The following HEBP2 variants were observed in gnomAD, a reference collection of about 807,000 sequenced individuals.
HEBP2 encodes heme binding protein 2.
Under a neutral mutation model 23.1 loss-of-function variants are expected in HEBP2, and 27 were observed. The ratio of observed to expected loss-of-function variants is 1.17; its 90% CI spans 0.86 to 1.61. HEBP2 has a LOEUF of 1.61. Among genes scored for constraint, HEBP2 ranks in the 40% most tolerant of loss-of-function variants. The pLI is 0.00. For missense variants in HEBP2, 245 were observed against 253.8 expected (o/e 0.97, Z 0.24); for synonymous variants, 99 against 95.1 (o/e 1.04, Z -0.24).
In HEBP2 at chr6:138,405,991, G is replaced by C. The variant is rs746207371; in HGVS notation, c.259G>C (p.Ala87Pro). The change falls in exon 3 of 4, where the codon GCT (alanine) becomes CCT (proline). Residue 87 changes from alanine (A) to proline (P), a missense_variant. By Grantham distance (27) the Ala-to-Pro change is conservative (BLOSUM62 -1). Transcript: ENST00000607197. ...NEKEMKIKMT[A>P]PVTSYVEPGS... ...CACAGAGATGAAAATAAAGATGACAGCTCCAGTGACAAGCTACGTGGAGCC... is the reference window on the plus strand; with the variant it reads ...CACAGAGATGAAAATAAAGATGACACCTCCAGTGACAAGCTACGTGGAGCC... 4.3e-6 allele frequency: 7 copies of C among 1,612,590 alleles called. No individual in the cohort carries two copies. In the Admixed American group the frequency reaches 1.0e-4, roughly 23 times the overall value.
Position 138,404,546 on chromosome 6 carries a change from C to T in HEBP2, c.51C>T (p.Ala17=). The stretch of plus-strand genomic sequence containing the variant: ...CCGGGGCGGCCGAGGACGCGGCGGC[C>T]CAAGCTGTGGAGACGCCGGGCTGGA... The part of the protein sequence containing the change: ...PDPGAAEDAA[A]QAVETPGWKA... The change falls in exon 1 of 4, where the codon GCC becomes GCT. Residue 17 remains alanine (A), a synonymous_variant. Transcript: ENST00000607197. 1 of 1,304,954 alleles carries T rather than the reference C, an allele frequency of 7.7e-7. No individual in the cohort carries two copies. The highest frequency in any genetic ancestry group is 9.7e-7 in the Non-Finnish European group (1 of 1,026,404). The allele number at this position is 1,304,954 out of a possible 1,614,324, so 80.8% of individuals were successfully genotyped here.
At position 138,421,181 on chromosome 6, in the gene HEBP2, A is replaced by G. The variant is rs1774922827; in HGVS notation, c.*8103A>G. 6.6e-6 allele frequency: 1 copy of G among 152,264 alleles called. No individual in the cohort carries two copies. Among genetic ancestry groups the G allele is most frequent in the African/African-American group, 2.4e-5 (1 of 41,544 alleles). 9.4% of individuals were successfully genotyped at this position (152,264 alleles called of 1,614,324 possible). On this transcript the variant is annotated 3_prime_UTR_variant, in exon 4 of 4. Transcript: ENST00000607197. ...CCCAACAACATCCTCACATCTGCCA[A>G]AGCAAATTATGCTGCTGTGCTCATT...
intron 3 of HEBP2, among the ~76,000 whole-genome samples, chr6:138,409,609 C>T (rs1457492357): frequency 1.3e-5 from 2 of 152,202 alleles, no homozygotes; most frequent in African/African-American, 4.8e-5. Context: ...GCCGTCTTCC[C>T]TGCCACCAGT....
Position 138,404,298 on chromosome 6 carries a change from C to T in HEBP2, c.-198C>T, listed in dbSNP as rs1405260531. Reference sequence around the variant, plus strand: ...TGTCCGGGGTCGTGAGCCGGCCCCGCCTTGGTGGCGGCGCCCCCTCGCGGT... The same window carrying T: ...TGTCCGGGGTCGTGAGCCGGCCCCGTCTTGGTGGCGGCGCCCCCTCGCGGT... On this transcript the variant is annotated 5_prime_UTR_variant, in exon 1 of 4. Transcript: ENST00000607197. 1 of 341,092 alleles carries T rather than the reference C, an allele frequency of 2.9e-6. No individual in the cohort carries two copies. The highest frequency in any genetic ancestry group is 5.2e-6 in the Non-Finnish European group (1 of 190,778). The allele number at this position is 341,092 out of a possible 1,614,324, so 21.1% of individuals were successfully genotyped here.
At position 138,421,250 on chromosome 6, in the gene HEBP2, G is replaced by A. The variant is rs1206684047; in HGVS notation, c.*8172G>A. On this transcript the variant is annotated 3_prime_UTR_variant, in exon 4 of 4. Transcript: ENST00000607197. ...CGCATGCAGGCTGAACCCCTACTAC[G>A]GCAGAACCAAGAAAGCCACTCTTTC... The A allele has an allele frequency of 1.3e-5, 2 of 150,778 alleles. No homozygotes were observed. The highest frequency in any genetic ancestry group is 6.6e-5 in the Admixed American group (1 of 15,174). 9.3% of individuals were successfully genotyped at this position (150,778 alleles called of 1,614,324 possible).
In HEBP2 at chr6:138,413,166, G is replaced by C; in HGVS notation, c.*88G>C. On this transcript the variant is annotated 3_prime_UTR_variant, in exon 4 of 4. Transcript: ENST00000607197. ...GACCTATAAGTAAAGTGCGTGTCTA[G>C]TGTCTTCTATTGAGAGTACTACTAT... is the stretch of plus-strand genomic sequence containing the variant. The C allele has an allele frequency of 1.0e-6, 1 of 995,532 alleles. No homozygotes were observed. The highest frequency in any genetic ancestry group is 2.7e-4 in the Middle Eastern group (1 of 3,658). 61.7% of individuals were successfully genotyped at this position (995,532 alleles called of 1,614,324 possible).
Position 138,406,042 on chromosome 6 carries a change from A to G in HEBP2, c.310A>G (p.Thr104Ala), listed in dbSNP as rs200320516. The G allele has an allele frequency of 2.8e-5, 46 of 1,614,150 alleles. No homozygotes were observed. The Middle Eastern group carries it at 6.6e-4, about 23-fold the overall frequency. ...EPGSGPFSES[T>A]ITISLYIPSE... ...TGGTTCAGGTCCTTTTAGTGAGTCTACCATTACCATTTCCCTGTATATTCC... is the reference window on the plus strand; with the variant it reads ...TGGTTCAGGTCCTTTTAGTGAGTCTGCCATTACCATTTCCCTGTATATTCC... The change falls in exon 3 of 4, where the codon ACC (threonine) becomes GCC (alanine). Residue 104 changes from threonine to alanine, a missense_variant. Thr to Ala is a moderately conservative substitution (Grantham distance 58, BLOSUM62 0). Transcript: ENST00000607197.
chr6:138,404,277 CG>C lies in HEBP2; in HGVS notation c.-215del. 1 of 329,242 alleles carries C rather than the reference CG, an allele frequency of 3.0e-6. No individual in the cohort carries two copies. 20.4% of individuals were successfully genotyped at this position (329,242 alleles called of 1,614,324 possible). ...ACGCGCAACTCCGGCCGGAGCTGTC[CG>C]GGGTCGTGAGCCGGCCCCGCCTTGG... On this transcript the variant is annotated 5_prime_UTR_variant, in exon 1 of 4. Transcript: ENST00000607197.
At position 138,404,487 on chromosome 6, in the gene HEBP2, GC is replaced by G. The variant is rs1774598686; in HGVS notation, c.-8del. 1 of 1,274,388 alleles carries G rather than the reference GC, an allele frequency of 7.8e-7. No homozygotes were observed. Among genetic ancestry groups the G allele is most frequent in the African/African-American group, 1.6e-5 (1 of 64,480 alleles). 78.9% of individuals were successfully genotyped at this position (1,274,388 alleles called of 1,614,324 possible). On this transcript the variant is annotated 5_prime_UTR_variant, in exon 1 of 4. Coordinates refer to ENST00000607197, the MANE Select transcript of HEBP2 (RefSeq NM_014320.3). The stretch of plus-strand genomic sequence containing the variant: ...GGCTGACCAGGCTCCCAGAGCGTCA[GC>G]GCCGCCCATGGCCGAGCCGCTCCAG...
At position 138,413,027 on chromosome 6, in the gene HEBP2, T is replaced by C; in HGVS notation, c.567T>C (p.Asn189=). ...YNSPVKLLNR[N]NEVWLIQKNE... ...GTCCTGTCAAATTGCTTAATAGAAATAATGAAGTGTGGTTGATTCAAAAAA... is the reference window on the plus strand; with the variant it reads ...GTCCTGTCAAATTGCTTAATAGAAACAATGAAGTGTGGTTGATTCAAAAAA... Residue 189 remains asparagine, a synonymous_variant, in exon 4 of 4, where the codon AAT becomes AAC. Transcript: ENST00000607197. The C allele has an allele frequency of 6.2e-7, 1 of 1,613,894 alleles. No homozygotes were observed. The highest frequency in any genetic ancestry group is 8.5e-7 in the Non-Finnish European group (1 of 1,179,954).
intron 3 of HEBP2, 54 bp from the exon 4 acceptor site, chr6:138,412,826 G>T: frequency 1.3e-6 from 2 of 1,484,358 alleles, no homozygotes; most frequent in South Asian, 2.3e-5. Flanking sequence ...GCTTCAGACT[G>T]ACATTCACAT....
chr6:138,412,980 T>C lies in HEBP2; in HGVS notation c.520T>C (p.Tyr174His). The C allele has an allele frequency of 6.2e-7, 1 of 1,614,096 alleles. No individual in the cohort carries two copies. The highest frequency in any genetic ancestry group is 8.5e-7 in the Non-Finnish European group (1 of 1,179,938). The change falls in exon 4 of 4, where the codon TAC (tyrosine) becomes CAC (histidine). Residue 174 changes from tyrosine (Y) to histidine (H), a missense_variant. Physicochemically the swap from Tyr to His is moderately conservative, Grantham distance 83. Transcript: ENST00000607197. ...TGGAAAAGTTTTCGATGAGAAGGTT[T>C]ACTACACTGCAGGCTACAACAGTCC... ...EDGKVFDEKV[Y>H]YTAGYNSPVK... is the part of the protein sequence containing the mutation.
At chr6:138,406,838 G>A (rs1019081675) in intron 3 of HEBP2, among the ~76,000 whole-genome samples, 2 of 152,200 alleles carry the variant, frequency 1.3e-5, no homozygotes, top group Middle Eastern at 3.4e-3. Context: ...ACCAGCCTGG[G>A]CAACATGGCA....
chr6:138,403,662 A>C (rs992619227), upstream of HEBP2: 3 of 429,168 alleles, frequency 7.0e-6, no homozygotes, highest in African/African-American at 2.1e-5. Context: ...GGTGCTGGGG[A>C]ACAGAGCCGC....
intron 3 of HEBP2, chr6:138,412,147 G>A: frequency 2.4e-6 from 1 of 416,026 alleles, no homozygotes. Flanking sequence ...CTACAGGGGT[G>A]TTGGTGTAGT....
intron 1 of HEBP2, 89 bp from the exon 2 acceptor site, chr6:138,405,056 G>A (rs117501722): frequency 0.014 from 20,775 of 1,454,540 alleles, 199 homozygotes; most frequent in Non-Finnish European, 0.018. Flanking sequence ...ACGGCTCCAG[G>A]TCGACCCGAG....
At chr6:138,412,094 AG>A (rs1562240869) in intron 3 of HEBP2, 3 of 445,450 alleles carry the variant, frequency 6.7e-6, no homozygotes, top group African/African-American at 4.1e-5. Flanking sequence ...AGAGGGAAAA[AG>A]GGGCAATGTG....
chr6:138,411,845 G>A (rs1774751103), intron 3 of HEBP2, among the ~76,000 whole-genome samples: 1 of 152,118 alleles, frequency 6.6e-6, no homozygotes, highest in Non-Finnish European at 1.5e-5. Flanking sequence ...CAGCAACTTG[G>A]GAGGCTGAGG....
rs1392336544 is a variant in HEBP2 at position 138,415,410 on chromosome 6, T to G, written c.*2332T>G. 1 of 152,184 alleles carries G rather than the reference T, an allele frequency of 6.6e-6. No homozygotes were observed. Among genetic ancestry groups the G allele is most frequent in the Middle Eastern group, 3.1e-3 (1 of 318 alleles). 9.4% of individuals were successfully genotyped at this position (152,184 alleles called of 1,614,324 possible). The stretch of plus-strand genomic sequence containing the variant: ...GCTGTCCAGTGATGAAGACTTCAGA[T>G]GAAATGGCATGCTGGTGCAGGGGAA... On this transcript the variant is annotated 3_prime_UTR_variant, in exon 4 of 4. Coordinates refer to ENST00000607197, the MANE Select transcript of HEBP2 (RefSeq NM_014320.3).
Sources: gnomAD v4.1 joint callset for allele counts (sites outside exome capture counted in the v4.1 genomes callset) on GRCh38, gnomAD v4.1.1 for gene constraint, MANE v1.5 for transcripts, NCBI Gene and HGNC (gene_info 2026-07-23, HGNC 2026-07-21) for gene names.